DIAPH3: variants seen among roughly 807,000 people sequenced by gnomAD.
DIAPH3 encodes the protein diaphanous related formin 3.
DIAPH3 carries 117 observed loss-of-function variants against 144.3 expected under a neutral mutation model. That is an observed-to-expected ratio of 0.81 (90% CI 0.70 to 0.95). The LOEUF is 0.95. Ranked by LOEUF, DIAPH3 falls within the 40% of genes least tolerant of loss-of-function variation. The pLI, the probability that DIAPH3 is intolerant of heterozygous loss-of-function variation, is 0.00. For synonymous variants in DIAPH3, 519 were observed against 488.9 expected (o/e 1.06, Z -0.81); for missense variants, 1,421 against 1,412.7 (o/e 1.01, Z -0.09).
At chr13:59,947,667 A>C (rs2048869278) in intron 17 of DIAPH3, among the ~76,000 whole-genome samples, 1 of 151,938 alleles carries the variant, frequency 6.6e-6, no homozygotes, top group South Asian at 2.1e-4. Context: ...CCGGATGCGG[A>C]GGATGCAGTG....
intron 4 of DIAPH3, among the ~76,000 whole-genome samples, chr13:60,059,396 CTA>C (rs1831269204): frequency 6.6e-6 from 1 of 151,970 alleles, no homozygotes; most frequent in Admixed American, 6.6e-5. Flanking sequence ...TACTAAACAA[CTA>C]TTTTTAAATT....
At chr13:60,008,890 G>A (rs1392756708) in intron 8 of DIAPH3, among the ~76,000 whole-genome samples, 1 of 152,148 alleles carries the variant, frequency 6.6e-6, no homozygotes, top group African/African-American at 2.4e-5. Context: ...CTACACATCA[G>A]GCACCATTTA....
chr13:59,811,019 G>T (rs2040444890), intron 24 of DIAPH3, 96 bp from the exon 25 acceptor site: 2 of 1,182,932 alleles, frequency 1.7e-6, no homozygotes, highest in Non-Finnish European at 2.4e-6. Context: ...GTAGAAACAT[G>T]ATTATCTTTT....
chr13:59,943,212 C>T (rs563680273), intron 17 of DIAPH3, among the ~76,000 whole-genome samples: 11 of 152,214 alleles, frequency 7.2e-5, no homozygotes, highest in African/African-American at 2.4e-4. Context: ...CAACGAAGAT[C>T]AGCAGTTTCA....
chr13:60,103,172 T>C (rs1338824542), intron 3 of DIAPH3, among the ~76,000 whole-genome samples: 3 of 151,986 alleles, frequency 2.0e-5, no homozygotes, highest in Non-Finnish European at 4.4e-5. Flanking sequence ...GGGGGAAATA[T>C]GTAACTTAGT....
intron 17 of DIAPH3, among the ~76,000 whole-genome samples, chr13:59,956,121 A>T (rs767775733): frequency 6.6e-6 from 1 of 152,178 alleles, no homozygotes; most frequent in Non-Finnish European, 1.5e-5. Context: ...CAGCCTGATG[A>T]TACAATAGAA....
chr13:60,121,464 T>C (rs2058842240), intron 2 of DIAPH3, among the ~76,000 whole-genome samples: 1 of 151,776 alleles, frequency 6.6e-6, no homozygotes, highest in African/African-American at 2.4e-5. Flanking sequence ...AGTGAATCAG[T>C]GGGAGGGACT....
At chr13:59,932,570 C>T (rs2048072168) in intron 17 of DIAPH3, among the ~76,000 whole-genome samples, 1 of 152,140 alleles carries the variant, frequency 6.6e-6, no homozygotes, top group South Asian at 2.1e-4. Context: ...ACCTTCACCA[C>T]TTCAACCTCC....
At chr13:59,825,348 C>G (rs1267972228) in intron 24 of DIAPH3, among the ~76,000 whole-genome samples, 1 of 152,082 alleles carries the variant, frequency 6.6e-6, no homozygotes, top group Non-Finnish European at 1.5e-5. Context: ...CATCCATGTC[C>G]CTACAAAGGA....
At chr13:60,084,687 A>G (rs979396997) in intron 4 of DIAPH3, among the ~76,000 whole-genome samples, 1 of 152,144 alleles carries the variant, frequency 6.6e-6, no homozygotes, top group East Asian at 1.9e-4. Context: ...CTGTTGGACT[A>G]TTTGGTTTCC....
At chr13:59,982,540 C>T (rs575417166) in intron 13 of DIAPH3, among the ~76,000 whole-genome samples, 5 of 151,386 alleles carry the variant, frequency 3.3e-5, no homozygotes, top group Admixed American at 6.6e-5. Context: ...AGATAATATA[C>T]GAAAAGAAAC....
At position 59,880,184 on chromosome 13, in the gene DIAPH3, C is replaced by G. The variant is rs1366321345; in HGVS notation, c.2368-716G>C. Among the ~76,000 whole-genome samples the G allele has an allele frequency of 2.0e-5, 3 of 152,082 alleles. No individual in the cohort carries two copies. The East Asian group carries it at 5.8e-4, about 29-fold the overall frequency. On this transcript the variant is annotated intron_variant, in intron 20 of 27. Coordinates refer to ENST00000400324, the MANE Select transcript of DIAPH3 (RefSeq NM_001042517.2). ...GGGGGACTGGAGGTGTCTAAAAGAACAAAGGGGCAAGTTCCTGCCTTTATC... is the reference window on the plus strand; with the variant it reads ...GGGGGACTGGAGGTGTCTAAAAGAAGAAAGGGGCAAGTTCCTGCCTTTATC...
chr13:59,871,511 AC>A (rs1402842193), intron 21 of DIAPH3, among the ~76,000 whole-genome samples: 1 of 152,192 alleles, frequency 6.6e-6, no homozygotes. Context: ...AATGAATGTT[AC>A]ATTTTTTCAA....
chr13:59,686,350 C>T (rs2033210523), intron 27 of DIAPH3, among the ~76,000 whole-genome samples: 1 of 151,986 alleles, frequency 6.6e-6, no homozygotes, highest in Admixed American at 6.6e-5. Flanking sequence ...ATGTCACTTA[C>T]ACCTTTTATC....
chr13:59,948,017 G>A (rs572281113), intron 17 of DIAPH3, among the ~76,000 whole-genome samples: 1 of 152,268 alleles, frequency 6.6e-6, no homozygotes, highest in South Asian at 2.1e-4. Context: ...TTAGAGTAAT[G>A]TGAGTCAGGT....
intron 4 of DIAPH3, among the ~76,000 whole-genome samples, chr13:60,046,358 A>C (rs966376256): frequency 3.9e-5 from 6 of 152,232 alleles, no homozygotes; most frequent in Non-Finnish European, 8.8e-5. Context: ...TGTGGCCAAA[A>C]GACATATTAA....
At chr13:59,803,428 T>C (rs896383541) in intron 25 of DIAPH3, among the ~76,000 whole-genome samples, 7 of 152,170 alleles carry the variant, frequency 4.6e-5, no homozygotes, top group African/African-American at 1.4e-4. Flanking sequence ...GTTCAGAATA[T>C]AGTAAATACC....
At chr13:59,819,229 T>C (rs2040937211) in intron 24 of DIAPH3, among the ~76,000 whole-genome samples, 1 of 151,956 alleles carries the variant, frequency 6.6e-6, no homozygotes, top group Non-Finnish European at 1.5e-5. Context: ...AGGTTTATTG[T>C]AAACATTTTA....
intron 17 of DIAPH3, among the ~76,000 whole-genome samples, chr13:59,954,912 C>A (rs1166898915): frequency 6.6e-6 from 1 of 152,014 alleles, no homozygotes; most frequent in Non-Finnish European, 1.5e-5. Flanking sequence ...ATCCAATCAC[C>A]TCCCACTAGG....
Sources: allele counts gnomAD v4.1 joint callset (sites outside exome capture counted in the v4.1 genomes callset), GRCh38; gene constraint gnomAD v4.1.1; transcripts MANE v1.5; gene names NCBI Gene and HGNC (gene_info 2026-07-23, HGNC 2026-07-21).